RPL14: variants seen among roughly 807,000 people sequenced by gnomAD.
The protein encoded by RPL14 is ribosomal protein L14.
In RPL14, 4 loss-of-function variants were observed where a neutral mutation model predicts 25.3. The ratio of observed to expected loss-of-function variants is 0.16; its 90% CI spans 0.08 to 0.36. RPL14 has a LOEUF of 0.36. Among genes scored for constraint, RPL14 ranks in the 10% least tolerant of loss-of-function variants. RPL14 has a pLI of 1.00. For missense variants in RPL14, 212 were observed against 261.9 expected (o/e 0.81, Z 1.31); for synonymous variants, 75 against 89.8 (o/e 0.84, Z 0.93).
In RPL14 at chr3:40,463,494, CTG is replaced by C. The variant is rs1157780409; in HGVS notation, c.*1265_*1266del. 6.6e-6 allele frequency: 1 copy of C among 152,224 alleles called. No individual in the cohort carries two copies. The highest frequency in any genetic ancestry group is 1.5e-5 in the Non-Finnish European group (1 of 68,046). The allele number at this position is 152,224 out of a possible 1,614,324, so 9.4% of individuals were successfully genotyped here. On this transcript the variant is annotated 3_prime_UTR_variant, in exon 6 of 6. Transcript: ENST00000396203. ...GTGCTGGAATTACAGGTGTGAGCCA[CTG>C]TGCCCGGCCTGCAAATTTTCTTATA...
At chr3:40,457,523 C>T in intron 1 of RPL14, 49 bp downstream of exon 1, 2 of 1,420,956 alleles carry the variant, frequency 1.4e-6, no homozygotes, top group Non-Finnish European at 1.9e-6. Flanking sequence ...CCTTCCCGGA[C>T]TCGCGCCCTT....
chr3:40,462,339 A>G lies in RPL14; in HGVS notation c.*107A>G, dbSNP rs1696954798. 6 of 972,934 alleles carry G rather than the reference A, an allele frequency of 6.2e-6. No homozygotes were observed. The highest frequency in any genetic ancestry group is 2.8e-5 in the East Asian group (1 of 36,170). 60.3% of individuals were successfully genotyped at this position (972,934 alleles called of 1,614,324 possible). On this transcript the variant is annotated 3_prime_UTR_variant, in exon 6 of 6. Transcript: ENST00000396203. The stretch of plus-strand genomic sequence containing the variant: ...GGCTGGAGTTAGGAGGCAGATTGAT[A>G]GTAGGATTATAATAAACATTAAATA...
chr3:40,460,644 C>T (rs1200164046), intron 3 of RPL14, among the ~76,000 whole-genome samples: 2 of 149,560 alleles, frequency 1.3e-5, no homozygotes, highest in Non-Finnish European at 3.0e-5. Context: ...CACGGAGTCT[C>T]ACTTTGTCAC....
At chr3:40,460,047 T>C (rs762186824) in intron 3 of RPL14, among the ~76,000 whole-genome samples, 8 of 152,124 alleles carry the variant, frequency 5.3e-5, no homozygotes, top group Non-Finnish European at 8.8e-5. Flanking sequence ...AGGATACTTG[T>C]CAAAGTTCAA....
intron 1 of RPL14, 112 bp downstream of exon 1, chr3:40,457,586 T>C (rs1677202326): frequency 1.1e-6 from 1 of 895,170 alleles, no homozygotes; most frequent in Non-Finnish European, 1.7e-6. Context: ...CTGGCGCGCC[T>C]TGGGCCACGC....
chr3:40,457,706 G>A lies in RPL14; in HGVS notation c.4-184G>A, dbSNP rs896500627. The stretch of plus-strand genomic sequence containing the variant: ...TGGGAGCTGGCGGGCGTTGGGAACC[G>A]GGCTTAAGCTACTGAGGCGTTTGCT... On this transcript the variant is annotated intron_variant, in intron 1 of 5. Transcript: ENST00000396203. The A allele has an allele frequency of 3.1e-5, 21 of 668,386 alleles. No individual in the cohort carries two copies. The African/African-American group carries it at 3.6e-4, about 12-fold the overall frequency. The allele number at this position is 668,386 out of a possible 1,614,324, so 41.4% of individuals were successfully genotyped here.
chr3:40,462,307 C>A lies in RPL14; in HGVS notation c.*75C>A. The A allele has an allele frequency of 7.0e-7, 1 of 1,434,372 alleles. No homozygotes were observed. The allele number at this position is 1,434,372 out of a possible 1,614,324, so 88.9% of individuals were successfully genotyped here. A position where few individuals can be genotyped will look rare whatever the true frequency, so the allele number is the denominator to read the frequency against. On this transcript the variant is annotated 3_prime_UTR_variant, in exon 6 of 6. Coordinates refer to ENST00000396203, the MANE Select transcript of RPL14 (RefSeq NM_001034996.3). ...GTATTTAAGCCTTTGGATTTAAAGC[C>A]TGTTGAGGCTGGAGTTAGGAGGCAG...
At chr3:40,459,132 C>T (rs765640105) in intron 3 of RPL14, 12 of 191,186 alleles carry the variant, frequency 6.3e-5, no homozygotes, top group Non-Finnish European at 8.9e-5. Flanking sequence ...TGCAGAGAGC[C>T]GTGATCATGC....
At position 40,462,183 on chromosome 3, in the gene RPL14, C is replaced by G; in HGVS notation, c.599C>G (p.Ala200Gly). ...CCAAAAGCTCAGAAGGGTCAAAAAG[C>G]TCCAGCCCAGAAAGCACCTGCTCCA... is the stretch of plus-strand genomic sequence containing the variant. ...PAPKAQKGQK[A>G]PAQKAPAPKA... The change falls in exon 6 of 6, where the codon GCT (alanine) becomes GGT (glycine). Residue 200 changes from alanine to glycine, a missense_variant. By Grantham distance (60) the Ala-to-Gly change is moderately conservative. This residue lies in a region of RPL14 where 66 missense variants were observed against 62.6 expected (regional missense o/e 1.05). Transcript: ENST00000396203. The G allele has an allele frequency of 6.2e-7, 1 of 1,610,752 alleles. No homozygotes were observed. Among genetic ancestry groups the G allele is most frequent in the East Asian group, 2.2e-5 (1 of 44,832 alleles).
rs1225613408 is a variant in RPL14 at position 40,458,943 on chromosome 3, C to T, written c.200+207C>T. 4.3e-5 allele frequency: 21 copies of T among 492,350 alleles called. No homozygotes were observed. In the South Asian group the frequency reaches 4.4e-4, roughly 10 times the overall value. 30.5% of individuals were successfully genotyped at this position (492,350 alleles called of 1,614,324 possible). A position where few individuals can be genotyped will look rare whatever the true frequency, so the allele number is the denominator to read the frequency against. ...GTAATCCCAGTACTTTGGGAGGCCA[C>T]GGTGGGAGGGTCTCTTGAGCCCAAG... is the stretch of plus-strand genomic sequence containing the variant. On this transcript the variant is annotated intron_variant, in intron 3 of 5. Transcript: ENST00000396203.
intron 1 of RPL14, 60 bp from the exon 2 acceptor site, chr3:40,457,830 G>A (rs890476248): frequency 2.1e-6 from 3 of 1,423,482 alleles, no homozygotes; most frequent in South Asian, 1.1e-5. Context: ...GCTGCAGAAG[G>A]TGACATATGT....
rs1238785383 is a variant in RPL14 at position 40,464,673 on chromosome 3, CTG to C, written c.*2442_*2443del. 9 of 348,690 alleles carry C rather than the reference CTG, an allele frequency of 2.6e-5. No individual in the cohort carries two copies. The highest frequency in any genetic ancestry group is 2.4e-4 in the Admixed American group (7 of 29,194). 21.6% of individuals were successfully genotyped at this position (348,690 alleles called of 1,614,324 possible). ...AAGACTGAATCTTATGGGATCAAGA[CTG>C]GGAATGCTCGGGTTGGCAGTATGAA... is the stretch of plus-strand genomic sequence containing the variant. On this transcript the variant is annotated 3_prime_UTR_variant, in exon 6 of 6. Coordinates refer to ENST00000396203, the MANE Select transcript of RPL14 (RefSeq NM_001034996.3).
chr3:40,458,205 G>A, intron 2 of RPL14: 2 of 588,450 alleles, frequency 3.4e-6, no homozygotes, highest in Non-Finnish European at 6.1e-6. Context: ...GCTAGAGCCA[G>A]TTATAGGCTG....
At position 40,463,823 on chromosome 3, in the gene RPL14, G is replaced by T. The variant is rs994930311; in HGVS notation, c.*1591G>T. On this transcript the variant is annotated 3_prime_UTR_variant, in exon 6 of 6. Transcript: ENST00000396203. ...TAACTCCAACATCAGAACACATCTC[G>T]TCCTAAGTGTTTCAGATAAGAGATA... 6.6e-6 allele frequency: 1 copy of T among 152,488 alleles called. No homozygotes were observed. Among genetic ancestry groups the T allele is most frequent in the African/African-American group, 2.4e-5 (1 of 41,428 alleles). The allele number at this position is 152,488 out of a possible 1,614,324, so 9.4% of individuals were successfully genotyped here. A position where few individuals can be genotyped will look rare whatever the true frequency, so the allele number is the denominator to read the frequency against.
In RPL14 at chr3:40,464,356, G is replaced by T. The variant is rs758033805; in HGVS notation, c.*2124G>T. On this transcript the variant is annotated 3_prime_UTR_variant, in exon 6 of 6. Coordinates refer to ENST00000396203, the MANE Select transcript of RPL14 (RefSeq NM_001034996.3). ...AGCACATTGATTTGCTTGATAATAGGCAAGTGGTATGGTGTAATAAGGAAA... is the reference window on the plus strand; with the variant it reads ...AGCACATTGATTTGCTTGATAATAGTCAAGTGGTATGGTGTAATAAGGAAA... 2.5e-6 allele frequency: 1 copy of T among 406,476 alleles called. No individual in the cohort carries two copies. Among genetic ancestry groups the T allele is most frequent in the Non-Finnish European group, 5.0e-6 (1 of 200,416 alleles). The allele number at this position is 406,476 out of a possible 1,614,324, so 25.2% of individuals were successfully genotyped here.
rs538820681 is a variant in RPL14 at position 40,464,406 on chromosome 3, TTCTACTC to T, written c.*2176_*2182del. The T allele has an allele frequency of 1.0e-3, 457 of 455,038 alleles. 7 individuals carry two copies. The highest frequency in any genetic ancestry group is 6.7e-3 in the South Asian group (434 of 64,430). 28.2% of individuals were successfully genotyped at this position (455,038 alleles called of 1,614,324 possible). A position where few individuals can be genotyped will look rare whatever the true frequency, so the allele number is the denominator to read the frequency against. ...AATATGGATGATTTCGGATTACCTG[TTCTACTC>T]TGGGAGGTAGAGAATTGTCTAGAGA... On this transcript the variant is annotated 3_prime_UTR_variant, in exon 6 of 6. Coordinates refer to ENST00000396203, the MANE Select transcript of RPL14 (RefSeq NM_001034996.3).
Position 40,461,466 on chromosome 3 carries a change from C to G in RPL14, c.260C>G (p.Ala87Gly). 6.2e-7 allele frequency: 1 copy of G among 1,614,060 alleles called. No homozygotes were observed. Among genetic ancestry groups the G allele is most frequent in the Non-Finnish European group, 8.5e-7 (1 of 1,179,990 alleles). The change falls in exon 4 of 6, where the codon GCA becomes GGA. Residue 87 changes from alanine (A) to glycine (G), a missense_variant. By Grantham distance (60) the Ala-to-Gly change is moderately conservative. Around this residue, in one of 3 missense-constraint regions of RPL14, gnomAD observed 143 missense variants for 180.3 expected, o/e 0.79. Transcript: ENST00000396203. ...WQKADINTKWAATRWAKKIEA... is the reference protein window; with the variant it reads ...WQKADINTKWGATRWAKKIEA... ...AAGGCAGACATCAATACAAAATGGG[C>G]AGCCACACGATGGGCCAAGAAGATT... is the stretch of plus-strand genomic sequence containing the variant.
intron 3 of RPL14, among the ~76,000 whole-genome samples, chr3:40,459,804 A>T (rs1192407267): frequency 2.2e-5 from 3 of 138,034 alleles, no homozygotes; most frequent in Non-Finnish European, 4.6e-5. Flanking sequence ...GCTTGCAGTG[A>T]GCCGAGATCG....
chr3:40,458,368 C>T (rs563252460), intron 2 of RPL14: 163 of 522,528 alleles, frequency 3.1e-4, no homozygotes, highest in Non-Finnish European at 4.3e-4. Flanking sequence ...GGATCAGAGT[C>T]CTAAAGTTGC....
Sources: gnomAD v4.1 joint callset for allele counts (sites outside exome capture counted in the v4.1 genomes callset) on GRCh38, gnomAD v4.1.1 for gene constraint, gnomAD v4.1.1 regional missense constraint, MANE v1.5 for transcripts, NCBI Gene and HGNC (gene_info 2026-07-23, HGNC 2026-07-21) for gene names.